The following PTPRD variants were observed in gnomAD, a reference collection of about 807,000 sequenced individuals.
PTPRD encodes the protein receptor-type tyrosine-protein phosphatase delta.
Under a neutral mutation model 214.5 loss-of-function variants are expected in PTPRD, and 34 were observed. That is an observed-to-expected ratio of 0.16 (90% CI 0.12 to 0.21). PTPRD has a LOEUF of 0.21. Among genes scored for constraint, PTPRD ranks in the 10% least tolerant of loss-of-function variants. The pLI is 1.00. For synonymous variants in PTPRD, 1,128 were observed against 845.7 expected (o/e 1.33, Z -5.79); for missense variants, 2,545 against 2,398.7 (o/e 1.06, Z -1.27).
At chr9:9,368,064 A>C (rs2058374589) in intron 9 of PTPRD, among the ~76,000 whole-genome samples, 1 of 151,746 alleles carries the variant, frequency 6.6e-6, no homozygotes, top group Admixed American at 6.6e-5. Context: ...TAAACTACTC[A>C]ATATGGATCC....
At chr9:9,765,077 C>T (rs1470618726) in intron 6 of PTPRD, among the ~76,000 whole-genome samples, 3 of 152,066 alleles carry the variant, frequency 2.0e-5, no homozygotes, top group African/African-American at 4.8e-5. Flanking sequence ...TGGCAGTGCA[C>T]GTCAGCTGGC....
Position 9,412,840 on chromosome 9 carries a change from A to G in PTPRD, c.-236-15358T>C, listed in dbSNP as rs116685939. On this transcript the variant is annotated intron_variant, in intron 8 of 45. Transcript: ENST00000381196. ...GCTCTGGTGAACCAATATGTTAGCA[A>G]TTTCTGGGGCACTTTTTGTACTCTC... 5.6e-3 allele frequency among the ~76,000 whole-genome samples: 859 copies of G among 152,116 alleles called. 14 individuals are homozygous for G. The highest frequency in any genetic ancestry group is 0.019 in the African/African-American group (803 of 41,494).
intron 5 of PTPRD, among the ~76,000 whole-genome samples, chr9:9,842,351 G>C (rs1469577534): frequency 8.2e-6 from 1 of 121,428 alleles, no homozygotes; most frequent in Non-Finnish European, 1.6e-5. Context: ...GAAAACTCTA[G>C]TATGGTGCTG....
rs1440475784 is a variant in PTPRD at position 9,397,873 on chromosome 9, T to C, written c.-236-391A>G. ...CTAATTCTCAGCTCTGACAGTGCCA[T>C]ATACACCACCTTCCTGAGCTCAAAA... On this transcript the variant is annotated intron_variant, in intron 8 of 45. Coordinates refer to ENST00000381196, the MANE Select transcript of PTPRD (RefSeq NM_002839.4). Among the ~76,000 whole-genome samples the C allele has an allele frequency of 2.6e-5, 4 of 151,994 alleles. No individual in the cohort carries two copies. In the East Asian group the frequency reaches 7.7e-4, roughly 29 times the overall value.
At chr9:8,971,867 A>G (rs2099240612) in intron 11 of PTPRD, among the ~76,000 whole-genome samples, 1 of 151,810 alleles carries the variant, frequency 6.6e-6, no homozygotes, top group South Asian at 2.1e-4. Flanking sequence ...CATTTCTAAA[A>G]TCACACAGCT....
chr9:10,358,316 T>G (rs983961180), intron 2 of PTPRD, among the ~76,000 whole-genome samples: 1 of 152,042 alleles, frequency 6.6e-6, no homozygotes, highest in African/African-American at 2.4e-5. Context: ...TAGCATAAAT[T>G]TAATGCATGG....
chr9:9,713,340 T>G (rs1329376884), intron 7 of PTPRD, among the ~76,000 whole-genome samples: 2 of 152,180 alleles, frequency 1.3e-5, no homozygotes, highest in Admixed American at 1.3e-4. Flanking sequence ...GAGTTAGGAA[T>G]GATTAAGTAA....
At chr9:9,169,610 T>C (rs1033486642) in intron 10 of PTPRD, among the ~76,000 whole-genome samples, 1 of 152,132 alleles carries the variant, frequency 6.6e-6, no homozygotes, top group Non-Finnish European at 1.5e-5. Context: ...GTGATACACA[T>C]AGGCAGCTTT....
chr9:10,466,359 G>C (rs749803978), intron 2 of PTPRD, among the ~76,000 whole-genome samples: 7 of 152,000 alleles, frequency 4.6e-5, no homozygotes, highest in Non-Finnish European at 1.0e-4. Flanking sequence ...TGCGGTGGCT[G>C]ATGCCTGTAA....
chr9:9,387,560 C>T (rs905644476), intron 9 of PTPRD, among the ~76,000 whole-genome samples: 2 of 152,088 alleles, frequency 1.3e-5, no homozygotes, highest in African/African-American at 2.4e-5. Flanking sequence ...CCCTCCTCTG[C>T]TTTTATTAAT....
intron 5 of PTPRD, among the ~76,000 whole-genome samples, chr9:9,819,133 G>A (rs1034153981): frequency 1.2e-4 from 18 of 152,062 alleles, no homozygotes; most frequent in African/African-American, 4.3e-4. Context: ...TGGGGCTTTG[G>A]AAGGCTGGAG....
At chr9:8,353,264 A>G (rs2075999488) in intron 39 of PTPRD, among the ~76,000 whole-genome samples, 1 of 152,190 alleles carries the variant, frequency 6.6e-6, no homozygotes, top group Admixed American at 6.5e-5. Flanking sequence ...TCTCACTCTC[A>G]ATACAATCAG....
rs772029273 is a variant in PTPRD at position 8,460,538 on chromosome 9, C to T, written c.3748G>A (p.Val1250Met). The T allele has an allele frequency of 8.7e-6, 14 of 1,613,238 alleles. No individual in the cohort carries two copies. In the African/African-American group the frequency reaches 1.1e-4, roughly 12 times the overall value. ...TGCGGATCCAGATCCATTGACACCA[C>T]GGGGTCGGAGTAAGGGCTGGTTGCA... ...MYATSPYSDP[V>M]VSMDLDPQPI... The change falls in exon 33 of 46, where the codon GTG becomes ATG. Residue 1250 changes from valine to methionine, a missense_variant. Val to Met is a conservative substitution (Grantham distance 21). Coordinates refer to ENST00000381196, the MANE Select transcript of PTPRD (RefSeq NM_002839.4).
At chr9:9,472,734 G>C (rs1255752085) in intron 8 of PTPRD, among the ~76,000 whole-genome samples, 1 of 152,132 alleles carries the variant, frequency 6.6e-6, no homozygotes, top group African/African-American at 2.4e-5. Context: ...TAATCTATTA[G>C]AGTTTTGCTT....
At chr9:10,576,534 G>A (rs2069405671) in intron 2 of PTPRD, among the ~76,000 whole-genome samples, 1 of 152,126 alleles carries the variant, frequency 6.6e-6, no homozygotes, top group African/African-American at 2.4e-5. Flanking sequence ...TAAGGTGACT[G>A]AAAGACATTA....
chr9:9,641,737 G>T (rs1285674872), intron 7 of PTPRD, among the ~76,000 whole-genome samples: 1 of 152,108 alleles, frequency 6.6e-6, no homozygotes, highest in African/African-American at 2.4e-5. Flanking sequence ...TCTAACTGTG[G>T]GTCTGAAGAA....
chr9:8,974,485 T>C (rs1381542907), intron 11 of PTPRD, among the ~76,000 whole-genome samples: 1 of 152,034 alleles, frequency 6.6e-6, no homozygotes, highest in East Asian at 1.9e-4. Context: ...GCCATGGTGG[T>C]TTGCTGTACC....
At chr9:9,467,139 A>C (rs576184073) in intron 8 of PTPRD, among the ~76,000 whole-genome samples, 1 of 144,370 alleles carries the variant, frequency 6.9e-6, no homozygotes, top group Non-Finnish European at 1.5e-5. Flanking sequence ...GGACACATTT[A>C]TTGTGTCCTC....
At chr9:8,751,717 A>G (rs112245547) in intron 11 of PTPRD, among the ~76,000 whole-genome samples, 7 of 152,318 alleles carry the variant, frequency 4.6e-5, no homozygotes, top group African/African-American at 1.7e-4. Flanking sequence ...TATTGAAGCA[A>G]GGCTTTTAAC....
Sources: gnomAD v4.1 joint callset for allele counts (sites outside exome capture counted in the v4.1 genomes callset) on GRCh38, gnomAD v4.1.1 for gene constraint, MANE v1.5 for transcripts, NCBI Gene and HGNC (gene_info 2026-07-23, HGNC 2026-07-21) for gene names.